The following PPP1R14B variants were observed in gnomAD, a reference collection of about 807,000 sequenced individuals.
The protein encoded by PPP1R14B is protein phosphatase 1 regulatory subunit 14B.
Under a neutral mutation model 14.7 loss-of-function variants are expected in PPP1R14B, and 4 were observed. That is an observed-to-expected ratio of 0.27 (90% CI 0.13 to 0.62). PPP1R14B has a LOEUF of 0.62. Among genes scored for constraint, PPP1R14B ranks in the 20% least tolerant of loss-of-function variants. PPP1R14B has a pLI of 0.85. For synonymous variants in PPP1R14B, 76 were observed against 87.3 expected, an observed-to-expected ratio of 0.87 and a Z score of 0.72; for missense variants, 138 against 201.5, an observed-to-expected ratio of 0.68 and a Z score of 1.91.
At chr11:64,245,425 TGGGGAGGAAAA>T (rs2030838033) in intron 1 of PPP1R14B, 138 bp from the exon 2 acceptor site, 2 of 562,216 alleles carry the variant, frequency 3.6e-6, no homozygotes, top group Non-Finnish European at 5.9e-6. Context: ...GCAGCTGCTC[TGGGGAGGAAAA>T]CAGATCAGGC....
At chr11:64,245,024 C>T in intron 2 of PPP1R14B, 62 bp from the exon 3 acceptor site, 1 of 1,526,668 alleles carries the variant, frequency 6.6e-7, no homozygotes, top group South Asian at 1.2e-5. Context: ...TGGAGCTCGC[C>T]TATACCCACT....
At position 64,246,707 on chromosome 11, in the gene PPP1R14B, C is replaced by T; in HGVS notation, c.-34G>A. 9.7e-7 allele frequency: 1 copy of T among 1,030,492 alleles called. No individual in the cohort carries two copies. The highest frequency in any genetic ancestry group is 1.2e-6 in the Non-Finnish European group (1 of 861,252). The allele number at this position is 1,030,492 out of a possible 1,614,324, so 63.8% of individuals were successfully genotyped here. A position where few individuals can be genotyped will look rare whatever the true frequency, so the allele number is the denominator to read the frequency against. Reference sequence around the variant, plus strand: ...CCGGGGCCACGTGCGAGCGTCGGGCCCCTCCCTGCGCCACCGCCTCCGGGA... The same window carrying T: ...CCGGGGCCACGTGCGAGCGTCGGGCTCCTCCCTGCGCCACCGCCTCCGGGA... On this transcript the variant is annotated 5_prime_UTR_variant, in exon 1 of 4. Coordinates refer to ENST00000309318, the MANE Select transcript of PPP1R14B (RefSeq NM_138689.3).
In PPP1R14B at chr11:64,244,832, G is replaced by T. The variant is rs368869601; in HGVS notation, c.376-10C>A. 3.4e-5 allele frequency: 55 copies of T among 1,614,028 alleles called. No individual in the cohort carries two copies. The highest frequency in any genetic ancestry group is 4.4e-5 in the Non-Finnish European group (52 of 1,180,016). ...GGCCAGAAATGAAGGCCTGGATGGG[G>T]TGGGAGGGTAAACATTAAGGAGACC... On this transcript the variant is annotated splice_polypyrimidine_tract_variant and intron_variant, in intron 3 of 3. Transcript: ENST00000309318.
Position 64,244,677 on chromosome 11 carries a change from C to T in PPP1R14B, c.*77G>A. 1 of 1,596,112 alleles carries T rather than the reference C, an allele frequency of 6.3e-7. No homozygotes were observed. ...GCACCAGGCCTGGCCGCAGGGTCCCCCGGTATTGCTGTTGCTACGAGGTTG... is the reference window on the plus strand; with the variant it reads ...GCACCAGGCCTGGCCGCAGGGTCCCTCGGTATTGCTGTTGCTACGAGGTTG... On this transcript the variant is annotated 3_prime_UTR_variant, in exon 4 of 4. Transcript: ENST00000309318.
At position 64,245,298 on chromosome 11, in the gene PPP1R14B, G is replaced by T. The variant is rs369471333; in HGVS notation, c.259-11C>A. 1.1e-4 allele frequency: 169 copies of T among 1,600,692 alleles called. No homozygotes were observed. In the Middle Eastern group the frequency reaches 2.0e-3, roughly 19 times the overall value. On this transcript the variant is annotated splice_polypyrimidine_tract_variant and intron_variant, in intron 1 of 3. Coordinates refer to ENST00000309318, the MANE Select transcript of PPP1R14B (RefSeq NM_138689.3). ...TGGGATCTCCTCTTCCTGGGGTGGGGGTGGGGGAGGAGGGAGAGACATAAG... is the reference window on the plus strand; with the variant it reads ...TGGGATCTCCTCTTCCTGGGGTGGGTGTGGGGGAGGAGGGAGAGACATAAG...
At chr11:64,245,159 C>G (rs764775942) in intron 2 of PPP1R14B, 45 bp downstream of exon 2, 72 of 1,593,980 alleles carry the variant, frequency 4.5e-5, no homozygotes, top group Non-Finnish European at 6.1e-5. Flanking sequence ...CCTCACTTTC[C>G]CGGGGCAGTG....
At chr11:64,245,054 C>G in intron 2 of PPP1R14B, 92 bp from the exon 3 acceptor site, 3 of 1,471,656 alleles carry the variant, frequency 2.0e-6, no homozygotes, top group Non-Finnish European at 2.8e-6. Flanking sequence ...CTGGGGCCAC[C>G]CTGAGGCACA....
chr11:64,244,791 C>G lies in PPP1R14B; in HGVS notation c.407G>C (p.Arg136Pro). 1.2e-6 allele frequency: 2 copies of G among 1,614,050 alleles called. No homozygotes were observed. The highest frequency in any genetic ancestry group is 1.7e-6 in the Non-Finnish European group (2 of 1,179,996). ...GGGTGTGCTCAGCTTCTGCATGCCC[C>G]GGATCTTGTCCAGCAGGCCAGAAAT... ...AFISGLLDKIRGMQKLSTPQK... is the reference protein window; with the variant it reads ...AFISGLLDKIPGMQKLSTPQK... Residue 136 changes from arginine (R) to proline (P), a missense_variant, in exon 4 of 4, where the codon CGG (arginine) becomes CCG (proline). Physicochemically the swap from Arg to Pro is moderately radical, Grantham distance 103. Transcript: ENST00000309318.
rs554703355 is a variant in PPP1R14B at position 64,244,836 on chromosome 11, G to A, written c.376-14C>T. The A allele has an allele frequency of 3.7e-6, 6 of 1,613,972 alleles. No homozygotes were observed. The African/African-American group carries it at 8.0e-5, about 22-fold the overall frequency. The stretch of plus-strand genomic sequence containing the variant: ...AGAAATGAAGGCCTGGATGGGGTGG[G>A]AGGGTAAACATTAAGGAGACCAGAC... On this transcript the variant is annotated splice_polypyrimidine_tract_variant and intron_variant, in intron 3 of 3. Coordinates refer to ENST00000309318, the MANE Select transcript of PPP1R14B (RefSeq NM_138689.3).
intron 1 of PPP1R14B, 138 bp from the exon 2 acceptor site, chr11:64,245,425 T>TG: frequency 1.8e-6 from 1 of 562,216 alleles, no homozygotes; most frequent in South Asian, 2.1e-5. Flanking sequence ...GCAGCTGCTC[T>TG]GGGGAGGAAA....
At chr11:64,245,339 G>T in intron 1 of PPP1R14B, 52 bp from the exon 2 acceptor site, 2 of 1,496,112 alleles carry the variant, frequency 1.3e-6, no homozygotes, top group South Asian at 1.2e-5. Flanking sequence ...GTTGGAGAGA[G>T]GGTGTGAGAG....
chr11:64,246,207 G>A, intron 1 of PPP1R14B: 2 of 634,698 alleles, frequency 3.2e-6, no homozygotes, highest in South Asian at 4.1e-5. Context: ...GGCATGATGG[G>A]GGGCAGGGTC....
intron 1 of PPP1R14B, chr11:64,245,500 T>G: frequency 2.2e-5 from 10 of 458,604 alleles, no homozygotes; most frequent in Non-Finnish European, 2.3e-5. Context: ...TTCCTGTCCC[T>G]GCCAGTGGGC....
At chr11:64,245,133 G>A in intron 2 of PPP1R14B, 71 bp downstream of exon 2, 3 of 1,547,414 alleles carry the variant, frequency 1.9e-6, no homozygotes, top group Non-Finnish European at 2.6e-6. Flanking sequence ...TGGGGCTTGA[G>A]GGCCTGGCTC....
Position 64,246,438 on chromosome 11 carries a change from A to G in PPP1R14B, c.236T>C (p.Leu79Pro). 6.2e-7 allele frequency: 1 copy of G among 1,608,922 alleles called. No homozygotes were observed. Among genetic ancestry groups the G allele is most frequent in the Non-Finnish European group, 8.5e-7 (1 of 1,178,594 alleles). ...CACCTGGCAGTCGTAGAGGCGCGTG[A>G]GCTGCTCCAGGATCCACTCCTCTAG... ...LNLEEWILEQ[L>P]TRLYDCQEEE... The change falls in exon 1 of 4, where the codon CTC becomes CCC. Residue 79 changes from leucine to proline, a missense_variant. Coordinates refer to ENST00000309318, the MANE Select transcript of PPP1R14B (RefSeq NM_138689.3).
Position 64,244,594 on chromosome 11 carries a change from A to C in PPP1R14B, c.*160T>G. On this transcript the variant is annotated 3_prime_UTR_variant, in exon 4 of 4. Transcript: ENST00000309318. The stretch of plus-strand genomic sequence containing the variant: ...ACAATAAAAAACCCCAAAAGTGGAA[A>C]ACTGAGGGGGCAGGGGAAGAGACCC... 7.1e-7 allele frequency: 1 copy of C among 1,413,774 alleles called. No homozygotes were observed. Among genetic ancestry groups the C allele is most frequent in the Non-Finnish European group, 9.5e-7 (1 of 1,057,194 alleles). 87.6% of individuals were successfully genotyped at this position (1,413,774 alleles called of 1,614,324 possible). A position where few individuals can be genotyped will look rare whatever the true frequency, so the allele number is the denominator to read the frequency against.
chr11:64,245,332 G>A, intron 1 of PPP1R14B, 45 bp from the exon 2 acceptor site: 2 of 1,554,392 alleles, frequency 1.3e-6, no homozygotes, highest in South Asian at 1.1e-5. Flanking sequence ...AGCCTGAGTT[G>A]GAGAGAGGGT....
At chr11:64,246,279 G>C (rs2030875195) in intron 1 of PPP1R14B, 137 bp downstream of exon 1, 3 of 1,157,518 alleles carry the variant, frequency 2.6e-6, no homozygotes, top group African/African-American at 3.1e-5. Flanking sequence ...TATTGGGGGC[G>C]GGAGTGCAGA....
chr11:64,245,099 G>A (rs1335423073), intron 2 of PPP1R14B, 105 bp downstream of exon 2: 3 of 1,470,454 alleles, frequency 2.0e-6, no homozygotes, highest in African/African-American at 2.8e-5. Flanking sequence ...CTAGGCATTG[G>A]CCCCATTCTG....
Sources: gnomAD v4.1 joint callset for allele counts on GRCh38, gnomAD v4.1.1 for gene constraint, MANE v1.5 for transcripts, NCBI Gene and HGNC (gene_info 2026-07-23, HGNC 2026-07-21) for gene names.